The following SCOC variants were observed in gnomAD, a reference collection of about 807,000 sequenced individuals.
The protein encoded by SCOC is short coiled coil protein.
In SCOC, 7 loss-of-function variants were observed where a neutral mutation model predicts 9.9. That is an observed-to-expected ratio of 0.71 (90% confidence interval 0.40 to 1.33). The LOEUF is 1.33. Ranked by LOEUF, SCOC falls within the 40% of genes most tolerant of loss-of-function variation. The pLI is 0.01. For missense variants in SCOC, 66 were observed against 89.7 expected (o/e 0.74, Z 1.07); for synonymous variants, 19 against 28.2 (o/e 0.67, Z 1.03).
chr4:140,323,117 A>G (rs765345617), intron 1 of SCOC, among the ~76,000 whole-genome samples: 2 of 152,166 alleles, frequency 1.3e-5, no homozygotes, highest in Non-Finnish European at 2.9e-5. Context: ...CCAGTGTTGA[A>G]GGTGGGGCTT....
chr4:140,313,631 T>G (rs1419003530), intron 1 of SCOC, among the ~76,000 whole-genome samples: 1 of 152,044 alleles, frequency 6.6e-6, no homozygotes, highest in Non-Finnish European at 1.5e-5. Context: ...TTATTGCAAA[T>G]CTTCCATCTG....
chr4:140,279,501 T>C (rs1208316481), intron 1 of SCOC, among the ~76,000 whole-genome samples: 1 of 152,156 alleles, frequency 6.6e-6, no homozygotes, highest in Non-Finnish European at 1.5e-5. Context: ...TCAAGGACTA[T>C]CCTTGGATAC....
intron 1 of SCOC, among the ~76,000 whole-genome samples, chr4:140,281,374 G>A (rs182009435): frequency 1.3e-5 from 2 of 152,298 alleles, no homozygotes; most frequent in African/African-American, 4.8e-5. Context: ...AGTGAAGATT[G>A]AAAGACTGAT....
At chr4:140,285,015 G>A (rs771821568) in intron 1 of SCOC, 46 of 332,986 alleles carry the variant, frequency 1.4e-4, no homozygotes, top group Middle Eastern at 4.0e-4. Context: ...AATGGTTAAC[G>A]TCTTGCACTT....
upstream of SCOC, among the ~76,000 whole-genome samples, chr4:140,370,640 ATGAACTGTT>A (rs1728013152): frequency 6.6e-6 from 1 of 152,208 alleles, no homozygotes; most frequent in Non-Finnish European, 1.5e-5. Flanking sequence ...GCAGGGAGTA[ATGAACTGTT>A]TGAATTCAAT....
intron 1 of SCOC, among the ~76,000 whole-genome samples, chr4:140,313,229 A>G (rs184778000): frequency 6.6e-6 from 1 of 152,326 alleles, no homozygotes; most frequent in East Asian, 1.9e-4. Context: ...TGTAAGCAAA[A>G]AGTTATCAGA....
chr4:140,337,687 A>G (rs1434268163), intron 1 of SCOC, among the ~76,000 whole-genome samples: 1 of 152,218 alleles, frequency 6.6e-6, no homozygotes, highest in African/African-American at 2.4e-5. Flanking sequence ...ATGCAAATAA[A>G]CTAGAAAACC....
At chr4:140,372,279 C>T (rs1728088790), upstream of SCOC, among the ~76,000 whole-genome samples, 1 of 152,172 alleles carries the variant, frequency 6.6e-6, no homozygotes, top group Non-Finnish European at 1.5e-5. Flanking sequence ...TATTTCACTA[C>T]AATTAAAAAT....
chr4:140,374,109 G>A, intron 1 of SCOC: 1 of 469,346 alleles, frequency 2.1e-6, no homozygotes, highest in South Asian at 1.6e-5. Context: ...ACCTTCCCGT[G>A]GCTGCTCTGC....
intron 1 of SCOC, chr4:140,376,922 C>T (rs1239109793): frequency 6.6e-6 from 1 of 152,156 alleles, no homozygotes. Flanking sequence ...TTATCTGTTG[C>T]TTTGGCTTGT....
chr4:140,340,590 A>G (rs1230620192), upstream of SCOC, among the ~76,000 whole-genome samples: 1 of 152,068 alleles, frequency 6.6e-6, no homozygotes, highest in Non-Finnish European at 1.5e-5. Flanking sequence ...ATATATAAAA[A>G]TTAATGCAAA....
At chr4:140,268,380 A>AT (rs1484849230) in intron 1 of SCOC, among the ~76,000 whole-genome samples, 1 of 152,132 alleles carries the variant, frequency 6.6e-6, no homozygotes, top group Non-Finnish European at 1.5e-5. Context: ...AATCATTATA[A>AT]TTTTTTCCCT....
At chr4:140,289,053 T>TCA (rs1051085203) in intron 1 of SCOC, among the ~76,000 whole-genome samples, 3 of 152,078 alleles carry the variant, frequency 2.0e-5, no homozygotes, top group African/African-American at 7.2e-5. Context: ...ATACATGACC[T>TCA]CACACACAGA....
At chr4:140,333,938 G>T (rs1019950229) in intron 1 of SCOC, among the ~76,000 whole-genome samples, 1 of 152,100 alleles carries the variant, frequency 6.6e-6, no homozygotes, top group Admixed American at 6.5e-5. Flanking sequence ...ATTTTTAAGA[G>T]AAAGCGTTTT....
At chr4:140,337,821 A>G (rs1002565926) in intron 1 of SCOC, among the ~76,000 whole-genome samples, 2 of 152,172 alleles carry the variant, frequency 1.3e-5, no homozygotes, top group Non-Finnish European at 2.9e-5. Flanking sequence ...TTACCAACCA[A>G]AAAAAGTCCG....
chr4:140,343,221 A>C (rs1254713270), upstream of SCOC, among the ~76,000 whole-genome samples: 2 of 152,188 alleles, frequency 1.3e-5, no homozygotes, highest in Admixed American at 1.3e-4. Flanking sequence ...GTCATTGATA[A>C]ATCCTTGAGA....
At chr4:140,362,299 C>CTTTTTTTTTTTTT (rs1183789218) in intron 2 of SCOC, among the ~76,000 whole-genome samples, 4 of 38,372 alleles carry the variant, frequency 1.0e-4, no homozygotes, top group Admixed American at 2.4e-4. Context: ...TCTTCTTCTT[C>CTTTTTTTTTTTTT]TTTTTTTTTT....
intron 1 of SCOC, among the ~76,000 whole-genome samples, chr4:140,259,658 A>C (rs780930640): frequency 1.3e-5 from 2 of 152,206 alleles, no homozygotes; most frequent in Non-Finnish European, 2.9e-5. Context: ...GCAATGAGCT[A>C]TGAGCACACC....
chr4:140,372,740 T>A (rs1728108426), upstream of SCOC, among the ~76,000 whole-genome samples: 1 of 152,234 alleles, frequency 6.6e-6, no homozygotes, highest in Non-Finnish European at 1.5e-5. Context: ...AAGGCTTGTC[T>A]CTACAGCTTA....
Sources: gnomAD v4.1 joint callset for allele counts (sites outside exome capture counted in the v4.1 genomes callset) on GRCh38, gnomAD v4.1.1 for gene constraint, MANE v1.5 for transcripts, NCBI Gene and HGNC (gene_info 2026-07-23, HGNC 2026-07-21) for gene names.